MCC: variants seen among roughly 807,000 people sequenced by gnomAD.
The protein encoded by MCC is MCC regulator of Wnt signaling pathway, also known as colorectal mutant cancer protein.
A neutral mutation model predicts 116.2 loss-of-function variants in MCC; 90 were observed. The ratio of observed to expected loss-of-function variants is 0.77; its 90% CI spans 0.65 to 0.92. The LOEUF (loss-of-function observed/expected upper bound fraction) is 0.92. Ranked by LOEUF, MCC falls within the 40% of genes least tolerant of loss-of-function variation. MCC has a pLI of 0.00. For synonymous variants in MCC, 578 were observed against 510.5 expected, an observed-to-expected ratio of 1.13 and a Z score of -1.78; for missense variants, 1,516 against 1,312.2, an observed-to-expected ratio of 1.16 and a Z score of -2.40.
intron 3 of MCC, among the ~76,000 whole-genome samples, chr5:113,335,359 T>C (rs1323039666): frequency 1.3e-5 from 2 of 151,792 alleles, no homozygotes; most frequent in Non-Finnish European, 2.9e-5. Flanking sequence ...TTAATGTACA[T>C]CAATTAATAC....
At chr5:113,055,102 G>C (rs1268398820) in intron 14 of MCC, among the ~76,000 whole-genome samples, 1 of 152,230 alleles carries the variant, frequency 6.6e-6, no homozygotes. Context: ...AGGCCAGGCT[G>C]TGTTGTCATG....
chr5:113,393,318 C>CAT (rs1327530355), intron 1 of MCC, among the ~76,000 whole-genome samples: 2 of 152,060 alleles, frequency 1.3e-5, no homozygotes, highest in Non-Finnish European at 2.9e-5. Flanking sequence ...AAAAATCTAA[C>CAT]ATATATATAA....
intron 6 of MCC, among the ~76,000 whole-genome samples, chr5:113,110,056 C>G (rs181390050): frequency 1.3e-5 from 2 of 152,182 alleles, no homozygotes; most frequent in East Asian, 3.9e-4. Flanking sequence ...TGGGCTCAAT[C>G]AATCCGCCCA....
At chr5:113,218,118 T>TA (rs1554067588) in intron 3 of MCC, among the ~76,000 whole-genome samples, 1 of 54,086 alleles carries the variant, frequency 1.8e-5, no homozygotes, top group African/African-American at 4.2e-5. Flanking sequence ...GGTGGGAAAC[T>TA]GGGGGGAGTA....
At position 113,087,724 on chromosome 5, in the gene MCC, A is replaced by C. The variant is rs112972970; in HGVS notation, c.1399-2414T>G. On this transcript the variant is annotated intron_variant, in intron 8 of 18. Coordinates refer to ENST00000408903, the MANE Select transcript of MCC (RefSeq NM_001085377.2). Reference sequence around the variant, plus strand: ...CCTAAATGGTGTCTGAATTGCACTCAAGACAATCAGTGGTCTGTTCTTAGA... The same window carrying C: ...CCTAAATGGTGTCTGAATTGCACTCCAGACAATCAGTGGTCTGTTCTTAGA... Among the ~76,000 whole-genome samples the C allele has an allele frequency of 2.2e-3, 329 of 151,998 alleles. 2 individuals carry two copies. Among genetic ancestry groups the C allele is most frequent in the Middle Eastern group, 0.01 (3 of 288 alleles).
intron 5 of MCC, among the ~76,000 whole-genome samples, chr5:113,136,186 GAT>G (rs1486974604): frequency 6.6e-6 from 1 of 152,200 alleles, no homozygotes; most frequent in African/African-American, 2.4e-5. Flanking sequence ...GGCTACAGTT[GAT>G]ATTTACTCCT....
chr5:113,483,707 A>C (rs1772439303), intron 1 of MCC, among the ~76,000 whole-genome samples: 1 of 152,198 alleles, frequency 6.6e-6, no homozygotes, highest in Admixed American at 6.5e-5. Context: ...TACTCAAAGG[A>C]ATATAAATCG....
At chr5:113,154,265 T>C (rs1760045267) in intron 3 of MCC, among the ~76,000 whole-genome samples, 2 of 152,256 alleles carry the variant, frequency 1.3e-5, no homozygotes, top group Non-Finnish European at 2.9e-5. Flanking sequence ...CTGCAGTCTG[T>C]CCACCAACTC....
chr5:113,161,620 A>ATG (rs57962617), intron 3 of MCC, among the ~76,000 whole-genome samples: 2,898 of 148,314 alleles, frequency 0.02, 49 homozygotes, highest in Non-Finnish European at 0.023. Context: ...GTTTAGATTT[A>ATG]TGTGTGTGTG....
chr5:113,095,359 G>C (rs1012845979), intron 8 of MCC, among the ~76,000 whole-genome samples: 6 of 152,150 alleles, frequency 3.9e-5, no homozygotes, highest in African/African-American at 1.4e-4. Context: ...GATTGTTAAA[G>C]CTTTTGTAGG....
intron 3 of MCC, among the ~76,000 whole-genome samples, chr5:113,224,572 C>CT (rs1350495036): frequency 3.3e-5 from 5 of 152,114 alleles, no homozygotes; most frequent in African/African-American, 9.7e-5. Flanking sequence ...GTGGGAAGAT[C>CT]AGAAGACTTT....
At chr5:113,087,935 C>A (rs1755318521) in intron 8 of MCC, among the ~76,000 whole-genome samples, 1 of 152,096 alleles carries the variant, frequency 6.6e-6, no homozygotes, top group Admixed American at 6.6e-5. Flanking sequence ...GACACTAAAA[C>A]ATAAAAACAG....
At chr5:113,059,676 C>G (rs1753082600) in intron 14 of MCC, among the ~76,000 whole-genome samples, 1 of 152,246 alleles carries the variant, frequency 6.6e-6, no homozygotes, top group Non-Finnish European at 1.5e-5. Flanking sequence ...AGGAGCTAGT[C>G]TAGGATGTGT....
intron 2 of MCC, among the ~76,000 whole-genome samples, chr5:113,342,280 G>A (rs1358678537): frequency 1.3e-5 from 2 of 152,088 alleles, no homozygotes; most frequent in African/African-American, 2.4e-5. Flanking sequence ...TTGCAATAGC[G>A]AATTGTGCTG....
chr5:113,186,634 A>T (rs1761910682), intron 3 of MCC, among the ~76,000 whole-genome samples: 1 of 152,224 alleles, frequency 6.6e-6, no homozygotes, highest in Admixed American at 6.5e-5. Context: ...TATATTTAAG[A>T]TCAACACATA....
chr5:113,143,941 TG>T (rs1759341803), intron 4 of MCC, among the ~76,000 whole-genome samples: 1 of 152,228 alleles, frequency 6.6e-6, no homozygotes, highest in Non-Finnish European at 1.5e-5. Flanking sequence ...ACTTCTTATC[TG>T]GATGGATTAT....
intron 11 of MCC, among the ~76,000 whole-genome samples, chr5:113,073,069 G>C (rs558361287): frequency 1.4e-5 from 2 of 147,100 alleles, no homozygotes; most frequent in African/African-American, 5.0e-5. Context: ...AACATTACGA[G>C]ATATTTTTGC....
chr5:113,308,842 A>T (rs1767064251), intron 3 of MCC, among the ~76,000 whole-genome samples: 1 of 151,806 alleles, frequency 6.6e-6, no homozygotes. Flanking sequence ...AGAGACAGAA[A>T]AAAAGAGAGA....
intron 2 of MCC, among the ~76,000 whole-genome samples, chr5:113,342,967 C>T (rs1768050942): frequency 6.6e-6 from 1 of 152,142 alleles, no homozygotes; most frequent in Admixed American, 6.5e-5. Flanking sequence ...GCAAAGATCT[C>T]ATTCTGGTAG....
Sources: gnomAD v4.1 joint callset for allele counts (sites outside exome capture counted in the v4.1 genomes callset) on GRCh38, gnomAD v4.1.1 for gene constraint, MANE v1.5 for transcripts, NCBI Gene and HGNC (gene_info 2026-07-23, HGNC 2026-07-21) for gene names.